The following MGAT4A variants were observed in gnomAD, a reference collection of about 807,000 sequenced individuals.
MGAT4A encodes N-acetylglucosaminyltransferase IVa.
MGAT4A carries 33 observed loss-of-function variants against 74.1 expected under a neutral mutation model. The ratio of observed to expected loss-of-function variants is 0.45; its 90% CI spans 0.34 to 0.60. MGAT4A has a LOEUF of 0.60. Among genes scored for constraint, MGAT4A ranks in the 20% least tolerant of loss-of-function variants. The pLI is 0.02. For missense variants in MGAT4A, 479 were observed against 628.3 expected, an observed-to-expected ratio of 0.76 and a Z score of 2.54; for synonymous variants, 198 against 210.4, an observed-to-expected ratio of 0.94 and a Z score of 0.51.
At chr2:98,632,610 T>C (rs528695747) in intron 14 of MGAT4A, among the ~76,000 whole-genome samples, 2 of 152,372 alleles carry the variant, frequency 1.3e-5, no homozygotes, top group South Asian at 4.1e-4. Flanking sequence ...TAGGGAGAAC[T>C]ACAGAGCTCT....
chr2:98,676,376 TA>T (rs1162825187), intron 3 of MGAT4A, among the ~76,000 whole-genome samples: 4 of 152,334 alleles, frequency 2.6e-5, no homozygotes, highest in Admixed American at 2.6e-4. Context: ...GCAAAAACCT[TA>T]AAACATTTCT....
chr2:98,702,517 G>A (rs1702368190), intron 2 of MGAT4A, among the ~76,000 whole-genome samples: 1 of 152,184 alleles, frequency 6.6e-6, no homozygotes, highest in Non-Finnish European at 1.5e-5. Context: ...AGCAGTGCAG[G>A]CCCACACCAC....
intron 4 of MGAT4A, among the ~76,000 whole-genome samples, chr2:98,668,228 G>A (rs1701864715): frequency 6.6e-6 from 1 of 152,190 alleles, no homozygotes; most frequent in African/African-American, 2.4e-5. Context: ...CCCATCACAG[G>A]CCCAGAGATT....
intron 13 of MGAT4A, 111 bp downstream of exon 13, chr2:98,636,406 G>T: frequency 1.3e-6 from 1 of 797,322 alleles, no homozygotes; most frequent in South Asian, 1.6e-5. Context: ...ATTCACCATT[G>T]AGTCCTGCAA....
At chr2:98,689,895 C>T (rs1702172222) in intron 2 of MGAT4A, among the ~76,000 whole-genome samples, 1 of 152,112 alleles carries the variant, frequency 6.6e-6, no homozygotes, top group Admixed American at 6.5e-5. Flanking sequence ...AGGGTAGAGT[C>T]ACTGGGACCC....
At chr2:98,674,999 G>A (rs779012478) in intron 4 of MGAT4A, 36 bp downstream of exon 4, 11 of 1,596,356 alleles carry the variant, frequency 6.9e-6, no homozygotes, top group South Asian at 6.9e-5. Flanking sequence ...TTTAACAGCA[G>A]TAGTACAACT....
rs1701057391 is a variant in MGAT4A at position 98,621,318 on chromosome 2, A to C, written c.*4248T>G. 2 of 1,446,826 alleles carry C rather than the reference A, an allele frequency of 1.4e-6. No homozygotes were observed. The highest frequency in any genetic ancestry group is 2.9e-5 in the African/African-American group (2 of 69,490). The allele number at this position is 1,446,826 out of a possible 1,614,324, so 89.6% of individuals were successfully genotyped here. A position where few individuals can be genotyped will look rare whatever the true frequency, so the allele number is the denominator to read the frequency against. ...AGCCTATGAATGAGCTTATGGGCTGAATTCAGTTCCCGTGGCTGTAGGACT... is the reference window on the plus strand; with the variant it reads ...AGCCTATGAATGAGCTTATGGGCTGCATTCAGTTCCCGTGGCTGTAGGACT... On this transcript the variant is annotated 3_prime_UTR_variant, in exon 16 of 16. Transcript: ENST00000393487.
chr2:98,708,794 A>G (rs1205998046), intron 2 of MGAT4A, among the ~76,000 whole-genome samples: 2 of 152,282 alleles, frequency 1.3e-5, no homozygotes, highest in African/African-American at 4.8e-5. Flanking sequence ...TTAAATTGAA[A>G]CTGTGCACTT....
chr2:98,645,121 C>G (rs1701466121), intron 9 of MGAT4A, among the ~76,000 whole-genome samples: 1 of 152,166 alleles, frequency 6.6e-6, no homozygotes, highest in East Asian at 1.9e-4. Flanking sequence ...TTTAAAAGAA[C>G]TGCAATCTTA....
chr2:98,656,327 A>C, intron 7 of MGAT4A, 25 bp downstream of exon 7: 2 of 1,393,606 alleles, frequency 1.4e-6, no homozygotes, highest in Non-Finnish European at 2.0e-6. Context: ...ACAAGTGTGG[A>C]GGATTTTAAA....
At position 98,622,150 on chromosome 2, in the gene MGAT4A, T is replaced by C; in HGVS notation, c.*3416A>G. 1 of 985,462 alleles carries C rather than the reference T, an allele frequency of 1.0e-6. No homozygotes were observed. The highest frequency in any genetic ancestry group is 1.7e-5 in the African/African-American group (1 of 57,380). The allele number at this position is 985,462 out of a possible 1,614,324, so 61.0% of individuals were successfully genotyped here. A position where few individuals can be genotyped will look rare whatever the true frequency, so the allele number is the denominator to read the frequency against. Reference sequence around the variant, plus strand: ...AGCTTTCTCTTCTCACCCAAAATATTCATCATCATTTGCATTATGTTCTAT... The same window carrying C: ...AGCTTTCTCTTCTCACCCAAAATATCCATCATCATTTGCATTATGTTCTAT... On this transcript the variant is annotated 3_prime_UTR_variant, in exon 16 of 16. Coordinates refer to ENST00000393487, the MANE Select transcript of MGAT4A (RefSeq NM_012214.3).
At chr2:98,626,028 A>T (rs563258235) in intron 14 of MGAT4A, among the ~76,000 whole-genome samples, 193 bp from the exon 15 acceptor site, 25 of 152,314 alleles carry the variant, frequency 1.6e-4, no homozygotes, top group Non-Finnish European at 3.1e-4. Flanking sequence ...GTGCATATTT[A>T]AAAACTTCAC....
chr2:98,619,814 CAT>C lies in MGAT4A; in HGVS notation c.*5750_*5751del, dbSNP rs1701018965. 1 of 152,206 alleles carries C rather than the reference CAT, an allele frequency of 6.6e-6. No homozygotes were observed. Among genetic ancestry groups the C allele is most frequent in the Admixed American group, 6.5e-5 (1 of 15,284 alleles). The allele number at this position is 152,206 out of a possible 1,614,324, so 9.4% of individuals were successfully genotyped here. ...ATGAAACAACTAGGAGCAAGTGACA[CAT>C]AAAATAGCCTCCCTAAAGTCCAAGA... is the stretch of plus-strand genomic sequence containing the variant. On this transcript the variant is annotated 3_prime_UTR_variant, in exon 16 of 16. Transcript: ENST00000393487.
chr2:98,680,038 G>A (rs967340407), intron 2 of MGAT4A, among the ~76,000 whole-genome samples: 6 of 125,094 alleles, frequency 4.8e-5, no homozygotes, highest in African/African-American at 1.7e-4. Flanking sequence ...ACCTTAGAAA[G>A]GCTTTTTTTT....
At chr2:98,655,353 G>C (rs1701642275) in intron 8 of MGAT4A, 92 bp downstream of exon 8, 3 of 898,878 alleles carry the variant, frequency 3.3e-6, no homozygotes, top group African/African-American at 1.7e-5. Context: ...CAGAGGGTTT[G>C]CACTTTCAAA....
chr2:98,644,204 T>A, intron 9 of MGAT4A, 151 bp from the exon 10 acceptor site: 3 of 813,366 alleles, frequency 3.7e-6, no homozygotes, highest in Non-Finnish European at 5.3e-6. Context: ...ATTATCAAAA[T>A]TAAACAAAGT....
chr2:98,667,267 T>C (rs774241510), intron 4 of MGAT4A, among the ~76,000 whole-genome samples: 8 of 152,112 alleles, frequency 5.3e-5, no homozygotes, highest in Non-Finnish European at 1.0e-4. Context: ...AATAGACTAA[T>C]ACAGTAAATT....
intron 2 of MGAT4A, among the ~76,000 whole-genome samples, chr2:98,684,155 T>A (rs572072347): frequency 2.0e-5 from 3 of 152,254 alleles, no homozygotes; most frequent in Non-Finnish European, 4.4e-5. Flanking sequence ...GAGAATTGTT[T>A]ATCTGCTTCC....
chr2:98,671,565 T>C (rs186467733), intron 4 of MGAT4A, among the ~76,000 whole-genome samples: 1 of 152,156 alleles, frequency 6.6e-6, no homozygotes, highest in African/African-American at 2.4e-5. Flanking sequence ...TTCTAGAACA[T>C]TCCACACTCC....
Sources: allele counts gnomAD v4.1 joint callset (sites outside exome capture counted in the v4.1 genomes callset), GRCh38; gene constraint gnomAD v4.1.1; transcripts MANE v1.5; gene names NCBI Gene and HGNC (gene_info 2026-07-23, HGNC 2026-07-21).